The following SLC4A4 variants were observed in gnomAD, a reference collection of about 807,000 sequenced individuals.
SLC4A4 encodes the protein electrogenic sodium bicarbonate cotransporter 1.
In SLC4A4, 27 loss-of-function variants were observed where a neutral mutation model predicts 111.5. The observed-to-expected ratio is 0.24, with a 90% CI of 0.18 to 0.33. SLC4A4 has a LOEUF of 0.33. Among genes scored for constraint, SLC4A4 ranks in the 10% least tolerant of loss-of-function variants. The pLI is 1.00. For synonymous variants in SLC4A4, 443 were observed against 463.4 expected, an observed-to-expected ratio of 0.96 and a Z score of 0.57; for missense variants, 909 against 1,315.5, an observed-to-expected ratio of 0.69 and a Z score of 4.78.
Position 71,472,986 on chromosome 4 carries a change from T to C in SLC4A4, c.1903+16T>C. ...CCTGACCCAGGTGAGGGCATTACGCTTTGTGTTTATGCTCGCTTTGTATTT... is the reference window on the plus strand; with the variant it reads ...CCTGACCCAGGTGAGGGCATTACGCCTTGTGTTTATGCTCGCTTTGTATTT... On this transcript the variant is annotated intron_variant, in intron 14 of 25. Coordinates refer to ENST00000264485, the MANE Select transcript of SLC4A4 (RefSeq NM_001098484.3). 6.2e-7 allele frequency: 1 copy of C among 1,612,790 alleles called. No homozygotes were observed. Among genetic ancestry groups the C allele is most frequent in the East Asian group, 2.2e-5 (1 of 44,772 alleles).
At chr4:71,116,088 T>C (rs1300922214) in intron 2 of SLC4A4, among the ~76,000 whole-genome samples, 3 of 152,164 alleles carry the variant, frequency 2.0e-5, no homozygotes, top group African/African-American at 7.2e-5. Context: ...AGAGATGGGG[T>C]TTGACCACGT....
chr4:71,297,861 TATAGGCTTGAGCC>T (rs1724933011), intron 3 of SLC4A4, among the ~76,000 whole-genome samples: 1 of 152,152 alleles, frequency 6.6e-6, no homozygotes, highest in Non-Finnish European at 1.5e-5. Context: ...GTGCTGGGAT[TATAGGCTTGAGCC>T]ACCGTGCCCA....
chr4:71,064,543 C>A (rs897080799), intron 1 of SLC4A4, among the ~76,000 whole-genome samples: 1 of 151,994 alleles, frequency 6.6e-6, no homozygotes, highest in Non-Finnish European at 1.5e-5. Context: ...AAATTGAACC[C>A]GTAGTGATAA....
chr4:71,440,071 G>T (rs1577908422), intron 7 of SLC4A4, among the ~76,000 whole-genome samples: 1 of 151,850 alleles, frequency 6.6e-6, no homozygotes, highest in African/African-American at 2.4e-5. Flanking sequence ...TTTTTGCATA[G>T]CTTGTATCTT....
rs758700409 is a variant in SLC4A4 at position 71,349,989 on chromosome 4, A to G, written c.467A>G (p.His156Arg). The G allele has an allele frequency of 1.2e-6, 2 of 1,613,956 alleles. No homozygotes were observed. Among genetic ancestry groups the G allele is most frequent in the South Asian group, 1.1e-5 (1 of 91,084 alleles). Reference sequence around the variant, plus strand: ...CCCCATGTGGCCACATTGTCCCTTCATAGTTTATTTGAGCTGAGGACATGT... The same window carrying G: ...CCCCATGTGGCCACATTGTCCCTTCGTAGTTTATTTGAGCTGAGGACATGT... ...SKPHVATLSL[H>R]SLFELRTCME... The change falls in exon 5 of 26, where the codon CAT (histidine) becomes CGT (arginine). Residue 156 changes from histidine (H) to arginine (R), a missense_variant. Transcript: ENST00000264485.
chr4:71,128,228 G>A (rs976316640), intron 2 of SLC4A4, among the ~76,000 whole-genome samples: 18 of 152,300 alleles, frequency 1.2e-4, no homozygotes, highest in Admixed American at 7.2e-4. Context: ...CACATCTTAC[G>A]TGCACGGCAG....
intron 8 of SLC4A4, among the ~76,000 whole-genome samples, chr4:71,443,116 C>CTCTCTCTA (rs1198759861): frequency 3.1e-3 from 204 of 65,624 alleles, no homozygotes; most frequent in African/African-American, 3.5e-3. Flanking sequence ...CTCTCTCTCT[C>CTCTCTCTA]TATATATATA....
intron 2 of SLC4A4, among the ~76,000 whole-genome samples, chr4:71,096,141 G>T (rs1742540067): frequency 6.6e-6 from 1 of 152,130 alleles, no homozygotes; most frequent in Admixed American, 6.6e-5. Flanking sequence ...ACTTCACTGG[G>T]AGGTGGGAAG....
intron 13 of SLC4A4, among the ~76,000 whole-genome samples, chr4:71,472,090 C>G (rs954032546): frequency 1.3e-5 from 2 of 151,856 alleles, no homozygotes; most frequent in Admixed American, 6.6e-5. Flanking sequence ...ACTATTTTTT[C>G]CTCTTCCTGG....
chr4:71,176,589 C>A (rs1320666016), intron 2 of SLC4A4, among the ~76,000 whole-genome samples: 2 of 151,946 alleles, frequency 1.3e-5, no homozygotes, highest in Non-Finnish European at 2.9e-5. Context: ...GTGATGGAAG[C>A]TCAAATGAAT....
chr4:71,154,410 G>T (rs1171245908), intron 2 of SLC4A4, among the ~76,000 whole-genome samples: 1 of 152,146 alleles, frequency 6.6e-6, no homozygotes, highest in African/African-American at 2.4e-5. Flanking sequence ...AATGAGCTGT[G>T]TGGGATACAC....
chr4:71,082,414 G>C (rs1014568233), intron 1 of SLC4A4, among the ~76,000 whole-genome samples: 1 of 151,788 alleles, frequency 6.6e-6, no homozygotes, highest in African/African-American at 2.4e-5. Flanking sequence ...CCATTACTTT[G>C]ACGTCTTCCC....
At chr4:71,492,820 T>G (rs924514152) in intron 15 of SLC4A4, among the ~76,000 whole-genome samples, 2 of 151,938 alleles carry the variant, frequency 1.3e-5, no homozygotes, top group African/African-American at 4.8e-5. Flanking sequence ...AGTCCCTCTT[T>G]TAGGGCTTAG....
At chr4:71,128,615 A>G (rs1266344356) in intron 2 of SLC4A4, among the ~76,000 whole-genome samples, 2 of 152,068 alleles carry the variant, frequency 1.3e-5, no homozygotes, top group Admixed American at 1.3e-4. Flanking sequence ...CAGCCTCCCA[A>G]GTAGCTGAGA....
chr4:71,088,180 G>A (rs976282380), intron 1 of SLC4A4, among the ~76,000 whole-genome samples: 2 of 151,272 alleles, frequency 1.3e-5, no homozygotes, highest in African/African-American at 2.4e-5. Flanking sequence ...TGTCTCTTTT[G>A]ATCTTTGATG....
At chr4:71,099,127 A>G (rs1742643755) in intron 2 of SLC4A4, among the ~76,000 whole-genome samples, 4 of 152,026 alleles carry the variant, frequency 2.6e-5, no homozygotes, top group Admixed American at 2.6e-4. Flanking sequence ...TCTCTACAGA[A>G]CTCTCCACCC....
chr4:71,466,387 AC>A lies in SLC4A4; in HGVS notation c.1498-56del, dbSNP rs1309331117. ...GTGGCTTTATTTGCCTAGTGACATC[AC>A]AAATGAGAAGAAAAAAGATGTGTTT... On this transcript the variant is annotated intron_variant, in intron 12 of 25. Coordinates refer to ENST00000264485, the MANE Select transcript of SLC4A4 (RefSeq NM_001098484.3). 11 of 1,604,848 alleles carry A rather than the reference AC, an allele frequency of 6.9e-6. No homozygotes were observed. In the East Asian group the frequency reaches 2.5e-4, roughly 36 times the overall value.
chr4:71,456,027 T>A lies in SLC4A4; in HGVS notation c.1497+2358T>A, dbSNP rs1726235117. Among the ~76,000 whole-genome samples, 3 of 152,224 alleles carry A rather than the reference T, an allele frequency of 2.0e-5. No homozygotes were observed. The South Asian group carries it at 6.2e-4, about 31-fold the overall frequency. On this transcript the variant is annotated intron_variant, in intron 12 of 25. Transcript: ENST00000264485. ...AAGATTTCAAGAGGAACGTAAATAC[T>A]TTCAGTGCTTCAGGATGTTAAGTAG... is the stretch of plus-strand genomic sequence containing the variant.
rs368299023 is a variant in SLC4A4, at chr4:71,555,101, G to C, written c.2695-39G>C. 15 of 1,367,772 alleles carry C rather than the reference G, an allele frequency of 1.1e-5. No homozygotes were observed. In the African/African-American group the frequency reaches 1.7e-4, roughly 16 times the overall value. 84.7% of individuals were successfully genotyped at this position (1,367,772 alleles called of 1,614,324 possible). On this transcript the variant is annotated intron_variant, in intron 20 of 25. Transcript: ENST00000264485. ...TTCCTCTTCATTCCTCTTTTTTCTT[G>C]TTATCATTTTTAAGTTGTATCCATT...
Sources: gnomAD v4.1 joint callset for allele counts (sites outside exome capture counted in the v4.1 genomes callset) on GRCh38, gnomAD v4.1.1 for gene constraint, MANE v1.5 for transcripts, NCBI Gene and HGNC (gene_info 2026-07-23, HGNC 2026-07-21) for gene names.